GANC: variants seen among roughly 807,000 people sequenced by gnomAD.
The protein encoded by GANC is glucosidase alpha, neutral C.
A neutral mutation model predicts 124.2 loss-of-function variants in GANC; 117 were observed. That is an observed-to-expected ratio of 0.94 (90% CI 0.81 to 1.10). The LOEUF is 1.10. GANC is among the 50% of genes least tolerant of loss of function. The pLI is 0.00. For missense variants in GANC, 1,140 were observed against 1,095.0 expected (o/e 1.04, Z -0.58); for synonymous variants, 377 against 376.8 (o/e 1.00, Z -0.01).
Position 42,287,905 on chromosome 15 carries a change from CTTA to C in GANC, c.329+90_329+92del, listed in dbSNP as rs1333887638. On this transcript the variant is annotated intron_variant, in intron 4 of 23. Coordinates refer to ENST00000318010, the MANE Select transcript of GANC (RefSeq NM_198141.3). ...GTAATAAATTTTGTTATGTGCACTTCTTATTTTGGCTGCTCAAAACTACAGTCA... is the reference window on the plus strand; with the variant it reads ...GTAATAAATTTTGTTATGTGCACTTCTTTTGGCTGCTCAAAACTACAGTCA... 2.5e-5 allele frequency: 35 copies of C among 1,383,206 alleles called. No homozygotes were observed. In the Admixed American group the frequency reaches 4.5e-4, roughly 18 times the overall value. The allele number at this position is 1,383,206 out of a possible 1,614,324, so 85.7% of individuals were successfully genotyped here. A position where few individuals can be genotyped will look rare whatever the true frequency, so the allele number is the denominator to read the frequency against.
intron 15 of GANC, among the ~76,000 whole-genome samples, chr15:42,333,636 C>T (rs978308027): frequency 6.6e-5 from 10 of 152,146 alleles, no homozygotes; most frequent in Non-Finnish European, 1.2e-4. Flanking sequence ...GTAGATTATG[C>T]ATCCATTGCT....
chr15:42,332,851 T>TAAA (rs5812220), intron 15 of GANC, among the ~76,000 whole-genome samples: 1,340 of 120,454 alleles, frequency 0.011, 28 homozygotes, highest in African/African-American at 0.041. Flanking sequence ...CTGTCTCTAC[T>TAAA]AAAAAAAAAA....
At chr15:42,320,207 TA>T (rs140410016) in intron 10 of GANC, among the ~76,000 whole-genome samples, 138,318 of 152,052 alleles carry the variant, frequency 0.91, 64,281 homozygotes, top group Non-Finnish European at 1. Flanking sequence ...TAATTAATTT[TA>T]AAAAAAAGTT....
At chr15:42,339,166 C>T (rs1319773701) in intron 16 of GANC, among the ~76,000 whole-genome samples, 1 of 152,066 alleles carries the variant, frequency 6.6e-6, no homozygotes, top group Non-Finnish European at 1.5e-5. Context: ...GTATATACCA[C>T]TCAGTGGCCC....
intron 15 of GANC, 29 bp from the exon 16 acceptor site, chr15:42,338,360 T>C (rs996461661): frequency 2.6e-6 from 4 of 1,525,902 alleles, no homozygotes; most frequent in Non-Finnish European, 3.6e-6. Context: ...TGATTTGTGA[T>C]TTTAATACAT....
chr15:42,325,255 A>G (rs1005794244), intron 11 of GANC, among the ~76,000 whole-genome samples: 2 of 152,176 alleles, frequency 1.3e-5, no homozygotes, highest in African/African-American at 4.8e-5. Flanking sequence ...CCTGGGCGAC[A>G]GAGCGAGACT....
intron 11 of GANC, among the ~76,000 whole-genome samples, 193 bp from the exon 12 acceptor site, chr15:42,326,105 A>G (rs2052196250): frequency 6.6e-6 from 1 of 152,220 alleles, no homozygotes; most frequent in Non-Finnish European, 1.5e-5. Context: ...TAAGCACATG[A>G]AAGGTTATAG....
At position 42,287,751 on chromosome 15, in the gene GANC, G is replaced by C. The variant is rs145853612; in HGVS notation, c.262G>C (p.Glu88Gln). 1 of 1,613,028 alleles carries C rather than the reference G, an allele frequency of 6.2e-7. No individual in the cohort carries two copies. The highest frequency in any genetic ancestry group is 8.5e-7 in the Non-Finnish European group (1 of 1,179,342). ...EGNIFRLKIN[E>Q]ETPLKPRFEV... ...AAACATTTTCAGGCTTAAAATTAAT[G>C]AAGAGACTCCTCTAAAACCCAGATT... The change falls in exon 4 of 24, where the codon GAA becomes CAA. Residue 88 changes from glutamate (E) to glutamine (Q), a missense_variant. Transcript: ENST00000318010.
In GANC at chr15:42,352,037, A is replaced by G. The variant is rs145163630; in HGVS notation, c.2643A>G (p.Lys881=). 189 of 1,614,144 alleles carry G rather than the reference A, an allele frequency of 1.2e-4. No individual in the cohort carries two copies. In the African/African-American group the frequency reaches 2.4e-3, roughly 20 times the overall value. Residue 881 remains lysine (K), a synonymous_variant, in exon 24 of 24, where the codon AAA becomes AAG. Coordinates refer to ENST00000318010, the MANE Select transcript of GANC (RefSeq NM_198141.3). ...TATTGTCTTGCTATTTAGATGGTAA[A>G]GATCAGCCTGTGGCTTTTACGTATT... ...SSVTTHSSDG[K]DQPVAFTYCA... is the part of the protein sequence containing the mutation.
chr15:42,283,940 C>G (rs1675768603), intron 3 of GANC: 1 of 702,588 alleles, frequency 1.4e-6, no homozygotes, highest in Non-Finnish European at 2.6e-6. Flanking sequence ...AAAATCAGTG[C>G]TTGCAATAAA....
intron 6 of GANC, among the ~76,000 whole-genome samples, chr15:42,300,974 T>A (rs2051939694): frequency 6.7e-6 from 1 of 149,624 alleles, no homozygotes; most frequent in Admixed American, 6.7e-5. Flanking sequence ...GCCAAGATGA[T>A]GCCATTGCAC....
intron 5 of GANC, among the ~76,000 whole-genome samples, chr15:42,296,284 C>CT (rs2051890567): frequency 6.6e-6 from 1 of 152,056 alleles, no homozygotes; most frequent in Middle Eastern, 3.2e-3. Context: ...CTCTTACTCT[C>CT]TTTTGATTGG....
rs2052403871 is a variant in GANC at position 42,349,575 on chromosome 15, G to A, written c.2531+80G>A. ...CAGCATCCTCAAATCAAATGCACAG[G>A]TATGTTTTAAGTTACTATTTAAAGA... On this transcript the variant is annotated intron_variant, in intron 22 of 23. Transcript: ENST00000318010. 8 of 821,860 alleles carry A rather than the reference G, an allele frequency of 9.7e-6. 1 individual carries two copies. In the South Asian group the frequency reaches 1.2e-4, roughly 12 times the overall value. The allele number at this position is 821,860 out of a possible 1,614,324, so 50.9% of individuals were successfully genotyped here.
Position 42,317,723 on chromosome 15 carries a change from G to A in GANC, c.1058-4062G>A, listed in dbSNP as rs116781565. 5.1e-3 allele frequency among the ~76,000 whole-genome samples: 780 copies of A among 152,286 alleles called. 6 individuals carry two copies. Among genetic ancestry groups the A allele is most frequent in the African/African-American group, 0.018 (740 of 41,546 alleles). On this transcript the variant is annotated intron_variant, in intron 10 of 23. Transcript: ENST00000318010. ...CATTCAGTTGTTAAAAGCAAGCTAA[G>A]TCTAGCCCATGTTCAGTTCCAATTG...
At chr15:42,297,534 A>G (rs925881291) in intron 5 of GANC, 77 bp from the exon 6 acceptor site, 1 of 1,065,702 alleles carries the variant, frequency 9.4e-7, no homozygotes, top group Admixed American at 2.0e-5. Flanking sequence ...AAAGTTGGAA[A>G]TGAAAAATCT....
chr15:42,349,335 G>A lies in GANC; in HGVS notation c.2419-48G>A, dbSNP rs773357677. 3 of 1,165,286 alleles carry A rather than the reference G, an allele frequency of 2.6e-6. No homozygotes were observed. In the South Asian group the frequency reaches 3.7e-5, roughly 14 times the overall value. The allele number at this position is 1,165,286 out of a possible 1,614,324, so 72.2% of individuals were successfully genotyped here. On this transcript the variant is annotated intron_variant, in intron 21 of 23. Transcript: ENST00000318010. ...CTTTAGGAGCTGACATTCTTTTCCT[G>A]TAAAGCTATCATATAAGCACATTCT... is the stretch of plus-strand genomic sequence containing the variant.
intron 5 of GANC, among the ~76,000 whole-genome samples, chr15:42,293,180 A>G (rs1483532536): frequency 2.6e-5 from 4 of 152,210 alleles, no homozygotes; most frequent in African/African-American, 7.2e-5. Flanking sequence ...ACACCCTTCT[A>G]TAAAAGCACT....
In GANC at chr15:42,315,193, A is replaced by C. The variant is rs185471734; in HGVS notation, c.1057+4347A>C. ...ACTTTAAAAGATTGGAAATGGAAAA[A>C]AATAAATATTTGCCATATCCTTTAA... is the stretch of plus-strand genomic sequence containing the variant. On this transcript the variant is annotated intron_variant, in intron 10 of 23. Transcript: ENST00000318010. 2.6e-3 allele frequency among the ~76,000 whole-genome samples: 402 copies of C among 152,338 alleles called. 1 individual carries two copies. The highest frequency in any genetic ancestry group is 9.3e-3 in the African/African-American group (388 of 41,590).
At position 42,349,477 on chromosome 15, in the gene GANC, C is replaced by G. The variant is rs761733015; in HGVS notation, c.2513C>G (p.Ser838Cys). Residue 838 changes from serine to cysteine, a missense_variant, in exon 22 of 24, where the codon TCC (serine) becomes TGC (cysteine). By Grantham distance (112) the Ser-to-Cys change is moderately radical. Coordinates refer to ENST00000318010, the MANE Select transcript of GANC (RefSeq NM_198141.3). ...TTGCACAGGAAGTTTTCATTCTGTT[C>G]CAGTGTTCTGATCAATAGGTAATGG... ...QFLHRKFSFC[S>C]SVLINSFADQ... 6.8e-6 allele frequency: 11 copies of G among 1,607,100 alleles called. No homozygotes were observed. In the Admixed American group the frequency reaches 8.3e-5, roughly 12 times the overall value.
Sources: allele counts gnomAD v4.1 joint callset (sites outside exome capture counted in the v4.1 genomes callset), GRCh38; gene constraint gnomAD v4.1.1; transcripts MANE v1.5; gene names NCBI Gene and HGNC (gene_info 2026-07-23, HGNC 2026-07-21).